Variants in ZFHX3 observed in about 807,000 individuals in gnomAD.
ZFHX3 encodes the protein zinc finger homeobox protein 3.
ZFHX3 carries 42 observed loss-of-function variants against 279.1 expected under a neutral mutation model. The ratio of observed to expected loss-of-function variants is 0.15; its 90% CI spans 0.12 to 0.19. The LOEUF (loss-of-function observed/expected upper bound fraction) is 0.19, where lower values mean the gene tolerates loss of function less well. Among genes scored for constraint, ZFHX3 ranks in the 10% least tolerant of loss-of-function variants. The pLI, the probability that ZFHX3 is intolerant of heterozygous loss-of-function variation, is 1.00. For missense variants in ZFHX3, 4,981 were observed against 4,754.0 expected (o/e 1.05, Z -1.40); for synonymous variants, 2,293 against 1,957.8 (o/e 1.17, Z -4.52).
At chr16:73,563,171 TGTGTGTGTG>T (rs1313623495) in intron 2 of ZFHX3, among the ~76,000 whole-genome samples, 188 of 2,552 alleles carry the variant, frequency 0.074, no homozygotes, top group Admixed American at 0.12. Flanking sequence ...TTTGTTTTGT[TGTGTGTGTG>T]TGTGTGTGTG....
chr16:73,208,337 A>C (rs546634042), intron 5 of ZFHX3, among the ~76,000 whole-genome samples: 2 of 152,322 alleles, frequency 1.3e-5, no homozygotes, highest in Admixed American at 1.3e-4. Flanking sequence ...TGAAAAACAG[A>C]ACATAAAACC....
rs1960973218 is a variant in ZFHX3, at chr16:72,951,045, G to A, written c.2720-80C>T. On this transcript the variant is annotated intron_variant, in intron 2 of 9. Coordinates refer to ENST00000268489, the MANE Select transcript of ZFHX3 (RefSeq NM_006885.4). ...CAGCTGAGGCACCCCCCAGCCCTCC[G>A]CCACCCTCAACTGGGGTCCAAAAGG... The A allele has an allele frequency of 7.1e-6, 11 of 1,538,840 alleles. No individual in the cohort carries two copies. In the Admixed American group the frequency reaches 7.6e-5, roughly 11 times the overall value.
chr16:72,916,701 C>T (rs941117167), intron 3 of ZFHX3, among the ~76,000 whole-genome samples: 5 of 152,256 alleles, frequency 3.3e-5, no homozygotes, highest in African/African-American at 9.6e-5. Context: ...CAAATGAGAA[C>T]TTCATGTATG....
At chr16:73,639,451 T>C (rs1210854118) in intron 2 of ZFHX3, among the ~76,000 whole-genome samples, 1 of 152,190 alleles carries the variant, frequency 6.6e-6, no homozygotes, top group African/African-American at 2.4e-5. Context: ...CAATAGTCAT[T>C]GAAGAGATCT....
At chr16:73,651,490 A>G (rs1478641315) in intron 2 of ZFHX3, among the ~76,000 whole-genome samples, 2 of 151,976 alleles carry the variant, frequency 1.3e-5, no homozygotes, top group Non-Finnish European at 2.9e-5. Flanking sequence ...CATCACAATG[A>G]AACTACAGAA....
rs577791486 is a variant in ZFHX3, at chr16:72,978,638, G to A, written c.-49-18444C>T. On this transcript the variant is annotated intron_variant, in intron 1 of 9. Coordinates refer to ENST00000268489, the MANE Select transcript of ZFHX3 (RefSeq NM_006885.4). ...AGGAGAGCATCGGCCGGGGGTGGGA[G>A]ACATCGTTGGACTCTGAACCAACAA... is the stretch of plus-strand genomic sequence containing the variant. 5.0e-4 allele frequency among the ~76,000 whole-genome samples: 76 copies of A among 152,338 alleles called. 2 individuals are homozygous for A. The South Asian group carries it at 0.012, about 23-fold the overall frequency.
intron 2 of ZFHX3, among the ~76,000 whole-genome samples, chr16:73,536,266 TAA>T (rs1186405152): frequency 2.6e-5 from 4 of 152,196 alleles, no homozygotes; most frequent in Non-Finnish European, 4.4e-5. Context: ...TTTCAAAATA[TAA>T]AGTTTATATC....
At chr16:73,076,149 T>C (rs1965885091) in intron 8 of ZFHX3, among the ~76,000 whole-genome samples, 1 of 152,192 alleles carries the variant, frequency 6.6e-6, no homozygotes, top group South Asian at 2.1e-4. Flanking sequence ...TCTAGCACAA[T>C]CCCTGGCACA....
At chr16:73,282,809 C>T (rs1402923130) in intron 4 of ZFHX3, among the ~76,000 whole-genome samples, 3 of 152,062 alleles carry the variant, frequency 2.0e-5, no homozygotes, top group Admixed American at 6.5e-5. Context: ...CAACATGATG[C>T]GGTTGCATAA....
chr16:73,580,515 A>AAAC, intron 2 of ZFHX3, among the ~76,000 whole-genome samples: 1 of 151,846 alleles, frequency 6.6e-6, no homozygotes, highest in Admixed American at 6.6e-5. Context: ...AAACAAAAAA[A>AAAC]AAAAAACAGA....
At chr16:73,743,911 A>G (rs1222679993) in intron 1 of ZFHX3, among the ~76,000 whole-genome samples, 1 of 152,176 alleles carries the variant, frequency 6.6e-6, no homozygotes, top group Non-Finnish European at 1.5e-5. Flanking sequence ...CAGCCTGGAC[A>G]ACTCTACTGG....
intron 2 of ZFHX3, among the ~76,000 whole-genome samples, chr16:73,641,168 G>A (rs971312776): frequency 2.0e-5 from 3 of 152,250 alleles, no homozygotes; most frequent in Admixed American, 6.5e-5. Flanking sequence ...CTCCCAACAC[G>A]TGTTTTCTGA....
intron 1 of ZFHX3, among the ~76,000 whole-genome samples, chr16:73,867,367 C>T (rs1962051627): frequency 2.0e-5 from 3 of 152,168 alleles, no homozygotes; most frequent in African/African-American, 7.2e-5. Context: ...CTTCACTCAC[C>T]CATGCACCTA....
intron 5 of ZFHX3, among the ~76,000 whole-genome samples, chr16:72,817,623 C>T (rs1373340343): frequency 6.6e-6 from 1 of 152,222 alleles, no homozygotes. Flanking sequence ...AGACCATTCT[C>T]CCTCTGGCCA....
At chr16:73,672,937 A>G (rs1003925241) in intron 2 of ZFHX3, among the ~76,000 whole-genome samples, 86 of 152,270 alleles carry the variant, frequency 5.6e-4, no homozygotes, top group African/African-American at 1.8e-3. Context: ...ACATTTACTC[A>G]AAGGCCTATT....
chr16:73,163,390 T>C (rs1288220257), intron 5 of ZFHX3, among the ~76,000 whole-genome samples: 1 of 152,230 alleles, frequency 6.6e-6, no homozygotes, highest in Non-Finnish European at 1.5e-5. Flanking sequence ...GGCTACAAGC[T>C]GGGGCTCACA....
chr16:73,509,787 C>T (rs10445052), intron 2 of ZFHX3, among the ~76,000 whole-genome samples: 36,551 of 148,852 alleles, frequency 0.25, 5,624 homozygotes, highest in Non-Finnish European at 0.37. Flanking sequence ...CCTCCACCCC[C>T]GGGGTTCAAG....
At chr16:73,160,008 C>A (rs1967189817) in intron 5 of ZFHX3, among the ~76,000 whole-genome samples, 1 of 152,160 alleles carries the variant, frequency 6.6e-6, no homozygotes, top group African/African-American at 2.4e-5. Context: ...AGTGGTCCGC[C>A]TGTCTTGGCC....
intron 3 of ZFHX3, among the ~76,000 whole-genome samples, chr16:73,432,023 G>A (rs1460907100): frequency 6.6e-6 from 1 of 152,194 alleles, no homozygotes. Context: ...GAACTGCTGA[G>A]TTCTGAGTTC....
Sources: gnomAD v4.1 joint callset for allele counts (sites outside exome capture counted in the v4.1 genomes callset) on GRCh38, gnomAD v4.1.1 for gene constraint, MANE v1.5 for transcripts, NCBI Gene and HGNC (gene_info 2026-07-23, HGNC 2026-07-21) for gene names.